The following DTNA variants were observed in gnomAD, a reference collection of about 807,000 sequenced individuals.
DTNA encodes the protein dystrobrevin alpha.
In DTNA, 43 loss-of-function variants were observed where a neutral mutation model predicts 100.7. That is an observed-to-expected ratio of 0.43 (90% CI 0.33 to 0.55). The LOEUF (loss-of-function observed/expected upper bound fraction) is 0.55. DTNA is among the 20% of genes least tolerant of loss of function. DTNA has a pLI of 0.04. For synonymous variants in DTNA, 349 were observed against 347.9 expected, an observed-to-expected ratio of 1.00 and a Z score of -0.04; for missense variants, 798 against 953.9, an observed-to-expected ratio of 0.84 and a Z score of 2.15.
rs73418626 is a variant in DTNA, at chr18:34,812,735, T to A, written c.603+622T>A. ...TGGGATTGGGTGGGGACACAAAGCC[T>A]TACCATATCACCTACACCCTCAGTG... On this transcript the variant is annotated intron_variant, in intron 6 of 22. Transcript: ENST00000444659. Among the ~76,000 whole-genome samples the A allele has an allele frequency of 2.0e-3, 298 of 152,270 alleles. 2 individuals carry two copies. Among genetic ancestry groups the A allele is most frequent in the African/African-American group, 6.3e-3 (262 of 41,560 alleles).
intron 1 of DTNA, among the ~76,000 whole-genome samples, chr18:34,609,891 T>C (rs1325915410): frequency 6.6e-6 from 1 of 152,194 alleles, no homozygotes; most frequent in Admixed American, 6.5e-5. Flanking sequence ...TCAAGAATGA[T>C]TAACAAACCA....
At chr18:34,672,066 T>G (rs1254876816) in intron 1 of DTNA, among the ~76,000 whole-genome samples, 2 of 152,204 alleles carry the variant, frequency 1.3e-5, no homozygotes, top group African/African-American at 4.8e-5. Flanking sequence ...GTGGGTATAA[T>G]GAGATGCAGG....
chr18:34,782,705 A>G (rs1041963911), intron 3 of DTNA, among the ~76,000 whole-genome samples: 3 of 152,208 alleles, frequency 2.0e-5, no homozygotes, highest in African/African-American at 7.2e-5. Context: ...TGGCTAGAGC[A>G]TAGGACTCTT....
intron 17 of DTNA, among the ~76,000 whole-genome samples, chr18:34,865,326 A>AT (rs1054804644): frequency 4.0e-5 from 5 of 125,900 alleles, no homozygotes; most frequent in African/African-American, 1.2e-4. Flanking sequence ...CTTTTTCTTC[A>AT]TTTTTTTTGT....
chr18:34,519,965 C>G (rs1235361851), intron 1 of DTNA, among the ~76,000 whole-genome samples: 2 of 152,190 alleles, frequency 1.3e-5, no homozygotes, highest in Non-Finnish European at 2.9e-5. Flanking sequence ...CTATAACTCA[C>G]ATTGTAATGT....
intron 3 of DTNA, among the ~76,000 whole-genome samples, chr18:34,769,724 G>GTTTTTTTTTTTTTTTTTTTTTTTTTT (rs1264439291): frequency 5.1e-4 from 21 of 41,388 alleles, no homozygotes; most frequent in Admixed American, 1.5e-3. Flanking sequence ...GCCCTCTGGG[G>GTTTTTTTTTTTTTTTTTTTTTTTTTT]CTTTTTTTTT....
intron 1 of DTNA, among the ~76,000 whole-genome samples, chr18:34,657,582 T>C (rs888745113): frequency 1.3e-5 from 2 of 152,216 alleles, no homozygotes; most frequent in Non-Finnish European, 2.9e-5. Context: ...ACCAACCATT[T>C]AATTTTTCTT....
chr18:34,529,679 C>T (rs1367775646), intron 1 of DTNA, among the ~76,000 whole-genome samples: 2 of 152,046 alleles, frequency 1.3e-5, no homozygotes, highest in East Asian at 3.9e-4. Flanking sequence ...TCTATGTAAC[C>T]GTTGTCATAC....
chr18:34,771,057 T>C (rs1054455529), intron 3 of DTNA, among the ~76,000 whole-genome samples: 1 of 152,196 alleles, frequency 6.6e-6, no homozygotes. Flanking sequence ...AGACCAGCAT[T>C]TTCTTAATGT....
chr18:34,769,649 G>T (rs930003459), intron 3 of DTNA, among the ~76,000 whole-genome samples: 4 of 151,220 alleles, frequency 2.6e-5, no homozygotes, highest in African/African-American at 7.3e-5. Context: ...TCTAGGGAGG[G>T]CAGCCTTCTG....
Position 34,890,062 on chromosome 18 carries a change from C to A in DTNA, c.*2328C>A. 1 of 1,349,806 alleles carries A rather than the reference C, an allele frequency of 7.4e-7. No individual in the cohort carries two copies. Among genetic ancestry groups the A allele is most frequent in the African/African-American group, 1.5e-5 (1 of 68,136 alleles). 83.6% of individuals were successfully genotyped at this position (1,349,806 alleles called of 1,614,324 possible). A position where few individuals can be genotyped will look rare whatever the true frequency, so the allele number is the denominator to read the frequency against. ...CAGAACTTAAATCCTGCACGTGGCA[C>A]TCCACCACTGACTGGACCGAGCTGG... is the stretch of plus-strand genomic sequence containing the variant. On this transcript the variant is annotated 3_prime_UTR_variant, in exon 23 of 23. Coordinates refer to ENST00000444659, the MANE Select transcript of DTNA (RefSeq NM_001386795.1).
At chr18:34,827,769 AG>A in intron 10 of DTNA, 93 bp downstream of exon 10, 1 of 1,259,270 alleles carries the variant, frequency 7.9e-7, no homozygotes, top group South Asian at 1.2e-5. Flanking sequence ...AGCCAAGGGC[AG>A]AATATTGTTA....
At chr18:34,613,658 A>C (rs1380480055) in intron 1 of DTNA, among the ~76,000 whole-genome samples, 3 of 152,222 alleles carry the variant, frequency 2.0e-5, no homozygotes, top group Non-Finnish European at 4.4e-5. Flanking sequence ...CCAGAGCCTA[A>C]TCCAGCTCAA....
chr18:34,623,401 G>A (rs2056840568), intron 1 of DTNA, among the ~76,000 whole-genome samples: 3 of 152,294 alleles, frequency 2.0e-5, no homozygotes, highest in South Asian at 2.1e-4. Flanking sequence ...CTAGCAGATA[G>A]AAGTACCTTT....
chr18:34,662,264 A>G (rs2075305362), intron 1 of DTNA, among the ~76,000 whole-genome samples: 2 of 152,096 alleles, frequency 1.3e-5, no homozygotes, highest in African/African-American at 4.8e-5. Flanking sequence ...TCATAAGAGT[A>G]AAATATGCAG....
intron 13 of DTNA, among the ~76,000 whole-genome samples, chr18:34,840,788 C>T (rs2096253216): frequency 6.6e-6 from 1 of 152,128 alleles, no homozygotes; most frequent in Admixed American, 6.6e-5. Flanking sequence ...CCATATTTCT[C>T]ATAGTTTTTT....
Position 34,824,490 on chromosome 18 carries a change from A to T in DTNA, c.1002-3103A>T, listed in dbSNP as rs529485350. Among the ~76,000 whole-genome samples the T allele has an allele frequency of 4.6e-3, 693 of 149,646 alleles. 4 individuals carry two copies. Among genetic ancestry groups the T allele is most frequent in the African/African-American group, 0.015 (608 of 39,574 alleles). On this transcript the variant is annotated intron_variant, in intron 9 of 22. Coordinates refer to ENST00000444659, the MANE Select transcript of DTNA (RefSeq NM_001386795.1). ...GACGCCATCTCAAAAAAAAAAAAAAATTTTTTTTACTACATGGCACATGTA... is the reference window on the plus strand; with the variant it reads ...GACGCCATCTCAAAAAAAAAAAAAATTTTTTTTTACTACATGGCACATGTA...
At chr18:34,873,985 G>A (rs1006729463) in intron 17 of DTNA, among the ~76,000 whole-genome samples, 2 of 152,100 alleles carry the variant, frequency 1.3e-5, no homozygotes, top group African/African-American at 4.8e-5. Flanking sequence ...GCACCCCATG[G>A]GTTATTTTCT....
intron 1 of DTNA, among the ~76,000 whole-genome samples, chr18:34,612,708 A>G (rs1359406503): frequency 6.6e-6 from 1 of 152,204 alleles, no homozygotes; most frequent in Non-Finnish European, 1.5e-5. Context: ...AGTAAACATT[A>G]TTACACGTTG....
Sources: gnomAD v4.1 joint callset for allele counts (sites outside exome capture counted in the v4.1 genomes callset) on GRCh38, gnomAD v4.1.1 for gene constraint, MANE v1.5 for transcripts, NCBI Gene and HGNC (gene_info 2026-07-23, HGNC 2026-07-21) for gene names.